Variants in AK8 observed in about 807,000 individuals in gnomAD.
AK8 encodes ATP-AMP transphosphorylase 8.
AK8 carries 44 observed loss-of-function variants against 54.6 expected under a neutral mutation model. The ratio of observed to expected loss-of-function variants is 0.81; its 90% CI spans 0.63 to 1.04. AK8 has a LOEUF of 1.04. Ranked by LOEUF, AK8 falls within the 50% of genes least tolerant of loss-of-function variation. AK8 has a pLI of 0.00. For synonymous variants in AK8, 239 were observed against 245.6 expected (o/e 0.97, Z 0.25); for missense variants, 555 against 613.6 (o/e 0.90, Z 1.01).
At chr9:132,736,594 G>A (rs1475103440) in intron 11 of AK8, among the ~76,000 whole-genome samples, 4 of 151,064 alleles carry the variant, frequency 2.6e-5, no homozygotes, top group Non-Finnish European at 4.4e-5. Flanking sequence ...TCAGGAGATC[G>A]AGACCACAGT....
chr9:132,759,537 C>T (rs573945825), intron 11 of AK8, among the ~76,000 whole-genome samples: 9 of 152,184 alleles, frequency 5.9e-5, no homozygotes, highest in East Asian at 3.8e-4. Context: ...AAGATAGTTT[C>T]GTATATGTTC....
chr9:132,868,828 A>G (rs1843698330), intron 2 of AK8, among the ~76,000 whole-genome samples: 1 of 152,154 alleles, frequency 6.6e-6, no homozygotes, highest in Admixed American at 6.5e-5. Context: ...TGCCTTACAG[A>G]GGGCCCCCTC....
intron 8 of AK8, among the ~76,000 whole-genome samples, chr9:132,823,777 G>A (rs914022387): frequency 2.6e-5 from 4 of 152,212 alleles, no homozygotes; most frequent in African/African-American, 7.2e-5. Flanking sequence ...AGAAGTGCAC[G>A]CTGGCTTTCT....
In AK8 at chr9:132,790,312, G is replaced by A. The variant is rs1198606720; in HGVS notation, c.1121+2322C>T. Among the ~76,000 whole-genome samples, 4 of 151,698 alleles carry A rather than the reference G, an allele frequency of 2.6e-5. No individual in the cohort carries two copies. The highest frequency in any genetic ancestry group is 7.3e-5 in the African/African-American group (3 of 41,234). ...GTCGCTCAGGCTGGAGCGCAGTGGCGTGATCTCAGCTCACTGCAAACTCCG... is the reference window on the plus strand; with the variant it reads ...GTCGCTCAGGCTGGAGCGCAGTGGCATGATCTCAGCTCACTGCAAACTCCG... On this transcript the variant is annotated intron_variant, in intron 11 of 12. Coordinates refer to ENST00000298545, the MANE Select transcript of AK8 (RefSeq NM_152572.3). This position sits in a 1 kb window ranked among gnomAD's most constrained non-coding sequence, Gnocchi z 4.1.
chr9:132,780,041 A>T (rs147698138), intron 11 of AK8, among the ~76,000 whole-genome samples: 134 of 152,334 alleles, frequency 8.8e-4, no homozygotes, highest in African/African-American at 3.1e-3. Flanking sequence ...TGTTGTCAAG[A>T]TAATGCTGAT....
chr9:132,771,769 G>A (rs1042505996), intron 11 of AK8, among the ~76,000 whole-genome samples: 15 of 151,772 alleles, frequency 9.9e-5, no homozygotes, highest in African/African-American at 4.8e-5. Context: ...GAAAGGCTAG[G>A]ACGGAGCTTC....
chr9:132,792,967 G>A (rs1018247559), intron 10 of AK8, among the ~76,000 whole-genome samples, 192 bp from the exon 11 acceptor site: 10 of 152,248 alleles, frequency 6.6e-5, no homozygotes, highest in Admixed American at 2.6e-4. Flanking sequence ...GGGGCTGCGT[G>A]AGATGGGAAA....
In AK8 at chr9:132,842,255, G is replaced by T. The variant is rs1259869976; in HGVS notation, c.402+12602C>A. Among the ~76,000 whole-genome samples, 7 of 152,358 alleles carry T rather than the reference G, an allele frequency of 4.6e-5. No individual in the cohort carries two copies. In the East Asian group the frequency reaches 1.2e-3, roughly 25 times the overall value. On this transcript the variant is annotated intron_variant, in intron 5 of 12. Transcript: ENST00000298545. ...TTGGGCCATGTGCATGTTGGGATAA[G>T]ATTTCACTGCCACGGTGGTACAGAA...
chr9:132,838,309 A>T (rs1842407284), intron 5 of AK8, among the ~76,000 whole-genome samples: 1 of 152,236 alleles, frequency 6.6e-6, no homozygotes, highest in South Asian at 2.1e-4. Context: ...CACAGTCAAA[A>T]GTGTGCTACG....
intron 11 of AK8, among the ~76,000 whole-genome samples, chr9:132,772,087 C>T (rs984778303): frequency 6.6e-6 from 1 of 152,192 alleles, no homozygotes; most frequent in South Asian, 2.1e-4. Flanking sequence ...CCCACCAGGT[C>T]CCTCCCACAA....
At chr9:132,827,229 T>C in intron 7 of AK8, 175 bp from the exon 8 acceptor site, 2 of 647,060 alleles carry the variant, frequency 3.1e-6, no homozygotes, top group Non-Finnish European at 5.5e-6. Context: ...ACTCTGAGCC[T>C]GCTCTTAACT....
At position 132,860,797 on chromosome 9, in the gene AK8, T is replaced by C. The variant is rs529362150; in HGVS notation, c.333+2868A>G. The stretch of plus-strand genomic sequence containing the variant: ...AGCAGGTGGCTTCCCGGGTGGGCTC[T>C]TGCAGGTCATGGGTTGGTCTCCTGG... On this transcript the variant is annotated intron_variant, in intron 4 of 12. Transcript: ENST00000298545. The surrounding 1 kb of genome is among the most constrained non-coding windows in gnomAD (Gnocchi z 4.4). 1.5e-3 allele frequency among the ~76,000 whole-genome samples: 228 copies of C among 152,350 alleles called. 3 individuals are homozygous for C. The highest frequency in any genetic ancestry group is 2.5e-3 in the Non-Finnish European group (171 of 68,028).
Position 132,866,943 on chromosome 9 carries a change from A to C in AK8, c.180T>G (p.Ile60Met). 1 of 1,614,112 alleles carries C rather than the reference A, an allele frequency of 6.2e-7. No individual in the cohort carries two copies. The highest frequency in any genetic ancestry group is 1.1e-5 in the South Asian group (1 of 91,078). Reference protein sequence around the residue: ...LHRDNDNVPRIVILGPPASGK... With the variant: ...LHRDNDNVPRMVILGPPASGK... ...CTGAGGCGGGTGGACCTAATATTAC[A>C]ATCCTGGGCACTGTGGAATAAAAAG... The change falls in exon 3 of 13, where the codon ATT (isoleucine) becomes ATG (methionine). Residue 60 changes from isoleucine to methionine, a missense_variant. Ile to Met is a conservative substitution (Grantham distance 10). Coordinates refer to ENST00000298545, the MANE Select transcript of AK8 (RefSeq NM_152572.3).
At chr9:132,732,583 G>A (rs926872210) in intron 11 of AK8, among the ~76,000 whole-genome samples, 2 of 152,072 alleles carry the variant, frequency 1.3e-5, no homozygotes, top group Non-Finnish European at 2.9e-5. Context: ...AGGGCTTGCC[G>A]GAGAGAAATG....
In AK8 at chr9:132,853,843, C is replaced by T. The variant is rs1843068027; in HGVS notation, c.402+1014G>A. Among the ~76,000 whole-genome samples, 11 of 135,340 alleles carry T rather than the reference C, an allele frequency of 8.1e-5. No homozygotes were observed. The South Asian group carries it at 2.8e-3, about 34-fold the overall frequency. The allele number at this position is 135,340 out of a possible 152,430, so 88.8% of individuals were successfully genotyped here. A position where few individuals can be genotyped will look rare whatever the true frequency, so the allele number is the denominator to read the frequency against. On this transcript the variant is annotated intron_variant, in intron 5 of 12. Coordinates refer to ENST00000298545, the MANE Select transcript of AK8 (RefSeq NM_152572.3). ...GTGCTAGCTTTGGCAAGCGCATATA[C>T]TAAAATTAGAACAATACAGAGAATA... is the stretch of plus-strand genomic sequence containing the variant.
rs78331374 is a variant in AK8, at chr9:132,823,870, G to A, written c.758-534C>T. ...GGCCCAGTGCCCAGGGACTTCTAAA[G>A]GACTCGAATTGGAGAGTAGTTTGTG... On this transcript the variant is annotated intron_variant, in intron 8 of 12. Transcript: ENST00000298545. Among the ~76,000 whole-genome samples the A allele has an allele frequency of 4.2e-3, 640 of 152,350 alleles. 7 individuals are homozygous for A. Among genetic ancestry groups the A allele is most frequent in the African/African-American group, 0.014 (591 of 41,572 alleles).
chr9:132,727,111 G>A (rs1265317797), intron 12 of AK8, among the ~76,000 whole-genome samples: 1 of 152,114 alleles, frequency 6.6e-6, no homozygotes, highest in Non-Finnish European at 1.5e-5. Flanking sequence ...AACCACCACT[G>A]GGATGCATCG....
At chr9:132,756,563 C>A (rs767200875) in intron 11 of AK8, among the ~76,000 whole-genome samples, 15 of 152,176 alleles carry the variant, frequency 9.9e-5, no homozygotes, top group Non-Finnish European at 1.8e-4. Flanking sequence ...AGGGGAGAGG[C>A]GATCAGCTGC....
intron 5 of AK8, among the ~76,000 whole-genome samples, chr9:132,834,990 C>T (rs1346360467): frequency 6.6e-6 from 1 of 152,054 alleles, no homozygotes; most frequent in African/African-American, 2.4e-5. Flanking sequence ...CTGCCTCAGC[C>T]TCCCAAGTAG....
Sources: allele counts gnomAD v4.1 joint callset (sites outside exome capture counted in the v4.1 genomes callset), GRCh38; gene constraint gnomAD v4.1.1; non-coding constraint Gnocchi (gnomAD v3.1); transcripts MANE v1.5; gene names NCBI Gene and HGNC (gene_info 2026-07-23, HGNC 2026-07-21).